LOX: variants seen among roughly 807,000 people sequenced by gnomAD.
LOX encodes the protein lysyl oxidase.
In LOX, 12 loss-of-function variants were observed where a neutral mutation model predicts 50.5. The ratio of observed to expected loss-of-function variants is 0.24; its 90% CI spans 0.15 to 0.38. The LOEUF (loss-of-function observed/expected upper bound fraction) is 0.38, where lower values mean the gene tolerates loss of function less well. Among genes scored for constraint, LOX ranks in the 10% least tolerant of loss-of-function variants. The pLI, the probability that LOX is intolerant of heterozygous loss-of-function variation, is 1.00. For synonymous variants in LOX, 254 were observed against 230.6 expected, an observed-to-expected ratio of 1.10 and a Z score of -0.92; for missense variants, 504 against 563.8, an observed-to-expected ratio of 0.89 and a Z score of 1.07.
At chr5:122,073,225 C>G (rs920806850) in intron 4 of LOX, among the ~76,000 whole-genome samples, 42 of 152,110 alleles carry the variant, frequency 2.8e-4, no homozygotes, top group African/African-American at 9.4e-4. Context: ...TGTCCTTTTA[C>G]AAATTAGGGT....
intron 4 of LOX, among the ~76,000 whole-genome samples, chr5:122,072,266 T>A (rs918224469): frequency 6.6e-6 from 1 of 152,156 alleles, no homozygotes; most frequent in Non-Finnish European, 1.5e-5. Flanking sequence ...AACTTAAGTA[T>A]AAGCTTTGAT....
chr5:122,077,128 C>G lies in LOX; in HGVS notation c.632-127G>C. 2 of 1,483,806 alleles carry G rather than the reference C, an allele frequency of 1.3e-6. No homozygotes were observed. The allele number at this position is 1,483,806 out of a possible 1,614,324, so 91.9% of individuals were successfully genotyped here. A position where few individuals can be genotyped will look rare whatever the true frequency, so the allele number is the denominator to read the frequency against. On this transcript the variant is annotated intron_variant, in intron 1 of 6. Transcript: ENST00000231004. The surrounding 1 kb of genome is among the most constrained non-coding windows in gnomAD (Gnocchi z 4.9). ...CGGGACTGCAGAGTGGAGCGGAGGA[C>G]AGCAAGAGAACTGGGGACGCCCGGG...
intron 4 of LOX, among the ~76,000 whole-genome samples, chr5:122,072,907 A>G (rs1331821724): frequency 6.6e-6 from 1 of 152,194 alleles, no homozygotes; most frequent in Non-Finnish European, 1.5e-5. Context: ...GGTCCCTTGC[A>G]CAGGACTTGC....
Position 122,077,939 on chromosome 5 carries a change from C to G in LOX, c.47G>C (p.Cys16Ser), listed in dbSNP as rs762984867. The change falls in exon 1 of 7, where the codon TGC (cysteine) becomes TCC (serine). Residue 16 changes from cysteine (C) to serine (S), a missense_variant. Transcript: ENST00000231004. The surrounding 1 kb of genome is among the most constrained non-coding windows in gnomAD (Gnocchi z 4.9). ...TVLLLGPLQLCALVHCAPPAA... is the reference protein window; with the variant it reads ...TVLLLGPLQLSALVHCAPPAA... ...GGGAGGGGCGCAGTGCACTAGCGCG[C>G]AGAGCTGCAAAGGCCCGAGCAGGAG... The G allele has an allele frequency of 3.3e-6, 5 of 1,499,956 alleles. No individual in the cohort carries two copies. Among genetic ancestry groups the G allele is most frequent in the Non-Finnish European group, 4.4e-6 (5 of 1,136,218 alleles). 92.9% of individuals were successfully genotyped at this position (1,499,956 alleles called of 1,614,324 possible).
chr5:122,071,913 G>C (rs574032099), intron 4 of LOX, among the ~76,000 whole-genome samples: 1 of 152,132 alleles, frequency 6.6e-6, no homozygotes, highest in Non-Finnish European at 1.5e-5. Context: ...CAACTCAGAA[G>C]GGTCAGTGTC....
At chr5:122,071,252 G>A (rs777727932) in intron 4 of LOX, among the ~76,000 whole-genome samples, 22 of 151,484 alleles carry the variant, frequency 1.5e-4, no homozygotes, top group Non-Finnish European at 2.8e-4. Flanking sequence ...CTACATGAGG[G>A]GCTATTATCT....
At chr5:122,075,758 T>C (rs1453579465) in intron 2 of LOX, among the ~76,000 whole-genome samples, 3 of 152,134 alleles carry the variant, frequency 2.0e-5, no homozygotes, top group African/African-American at 7.2e-5. Context: ...GAATATTTGG[T>C]GAATAAGTGA....
chr5:122,066,687 T>C lies in LOX; in HGVS notation c.*56A>G. 1 of 1,478,316 alleles carries C rather than the reference T, an allele frequency of 6.8e-7. No homozygotes were observed. Among genetic ancestry groups the C allele is most frequent in the Non-Finnish European group, 9.4e-7 (1 of 1,062,984 alleles). 91.6% of individuals were successfully genotyped at this position (1,478,316 alleles called of 1,614,324 possible). On this transcript the variant is annotated 3_prime_UTR_variant, in exon 7 of 7. Transcript: ENST00000231004. Reference sequence around the variant, plus strand: ...AATCCTACTGAAGTTAGTCTATTTTTTCCCACTTCAGAACACCAGGCACTG... The same window carrying C: ...AATCCTACTGAAGTTAGTCTATTTTCTCCCACTTCAGAACACCAGGCACTG...
intron 6 of LOX, among the ~76,000 whole-genome samples, chr5:122,068,438 A>G (rs1301087547): frequency 6.6e-6 from 1 of 152,100 alleles, no homozygotes; most frequent in Non-Finnish European, 1.5e-5. Flanking sequence ...ATCTCACCAC[A>G]TTTTATTTTA....
chr5:122,064,377 T>A lies in LOX; in HGVS notation c.*2366A>T, dbSNP rs1754243285. 6.6e-6 allele frequency: 1 copy of A among 151,734 alleles called. No individual in the cohort carries two copies. The highest frequency in any genetic ancestry group is 1.5e-5 in the Non-Finnish European group (1 of 67,856). 9.4% of individuals were successfully genotyped at this position (151,734 alleles called of 1,614,324 possible). A position where few individuals can be genotyped will look rare whatever the true frequency, so the allele number is the denominator to read the frequency against. The stretch of plus-strand genomic sequence containing the variant: ...AGTACTTGTGAGTTATTTGGGTGTG[T>A]TTAGAGGTGCCAGGAGGGGGATGAA... On this transcript the variant is annotated 3_prime_UTR_variant, in exon 7 of 7. Transcript: ENST00000231004.
rs1430504848 is a variant in LOX, at chr5:122,063,773, C to T, written c.*2970G>A. 6.6e-6 allele frequency: 1 copy of T among 151,866 alleles called. No individual in the cohort carries two copies. Among genetic ancestry groups the T allele is most frequent in the Non-Finnish European group, 1.5e-5 (1 of 67,856 alleles). The allele number at this position is 151,866 out of a possible 1,614,324, so 9.4% of individuals were successfully genotyped here. A position where few individuals can be genotyped will look rare whatever the true frequency, so the allele number is the denominator to read the frequency against. ...TTTCATGCAATCTGCTAAAGATTAA[C>T]TCTCAGTGCCAGGAAAATTTTAATG... On this transcript the variant is annotated 3_prime_UTR_variant, in exon 7 of 7. Coordinates refer to ENST00000231004, the MANE Select transcript of LOX (RefSeq NM_002317.7).
intron 2 of LOX, 89 bp downstream of exon 2, chr5:122,076,804 T>C (rs1754649930): frequency 8.8e-7 from 1 of 1,138,974 alleles, no homozygotes; most frequent in Non-Finnish European, 1.3e-6. Context: ...AACACTTGTC[T>C]GCGCGAAGCA....
In LOX at chr5:122,077,415, CATA is replaced by C; in HGVS notation, c.568_570del (p.Tyr190del). 6.2e-7 allele frequency: 1 copy of C among 1,614,104 alleles called. No individual in the cohort carries two copies. Among genetic ancestry groups the C allele is most frequent in the Non-Finnish European group, 8.5e-7 (1 of 1,180,006 alleles). On this transcript the variant is annotated inframe_deletion, in exon 1 of 7. Coordinates refer to ENST00000231004, the MANE Select transcript of LOX (RefSeq NM_002317.7). The surrounding 1 kb of genome is among the most constrained non-coding windows in gnomAD (Gnocchi z 4.9). ...TACCTGCCCCCAGGTCTGGGCCTTT[CATA>C]AGTATCGTAGTAGTTGTAATAAGGG...
In LOX at chr5:122,064,112, C is replaced by T. The variant is rs1414860061; in HGVS notation, c.*2631G>A. ...TCTGAAATTATGTTCCTATTTAGTC[C>T]ATTTTCTGTCTTTTTTAGTGTAAAA... On this transcript the variant is annotated 3_prime_UTR_variant, in exon 7 of 7. Transcript: ENST00000231004. The T allele has an allele frequency of 6.6e-6, 1 of 151,756 alleles. No individual in the cohort carries two copies. The highest frequency in any genetic ancestry group is 1.5e-5 in the Non-Finnish European group (1 of 67,832). 9.4% of individuals were successfully genotyped at this position (151,756 alleles called of 1,614,324 possible).
chr5:122,076,898 C>G lies in LOX; in HGVS notation c.735G>C (p.Leu245=). ...NLRCAAEENC[L]ASTAYRADVR... is the part of the protein sequence containing the mutation. The stretch of plus-strand genomic sequence containing the variant: ...TCAGACATATCAGCCCGTACCTGGC[C>G]AGACAGTTTTCCTCCGCCGCGCATC... The change falls in exon 2 of 7, where the codon CTG becomes CTC. Residue 245 remains leucine, a synonymous_variant. Coordinates refer to ENST00000231004, the MANE Select transcript of LOX (RefSeq NM_002317.7). 1 of 1,614,010 alleles carries G rather than the reference C, an allele frequency of 6.2e-7. No homozygotes were observed. Among genetic ancestry groups the G allele is most frequent in the Non-Finnish European group, 8.5e-7 (1 of 1,179,978 alleles).
In LOX at chr5:122,067,076, G is replaced by T. The variant is rs116663388; in HGVS notation, c.1248-327C>A. 5.0e-3 allele frequency among the ~76,000 whole-genome samples: 765 copies of T among 152,124 alleles called. 10 individuals are homozygous for T. Among genetic ancestry groups the T allele is most frequent in the African/African-American group, 0.017 (721 of 41,528 alleles). ...GAATTCATTCCATGGAACAAGGGTG[G>T]CATGTCCACCAAGAAGTAGAGTCAA... On this transcript the variant is annotated intron_variant, in intron 6 of 6. Coordinates refer to ENST00000231004, the MANE Select transcript of LOX (RefSeq NM_002317.7).
chr5:122,070,440 G>C, intron 5 of LOX, 54 bp downstream of exon 5: 1 of 932,334 alleles, frequency 1.1e-6, no homozygotes. Flanking sequence ...ATCCAGAGAA[G>C]AGGGCCTATT....
At chr5:122,068,531 C>T (rs1754364195) in intron 6 of LOX, among the ~76,000 whole-genome samples, 1 of 152,118 alleles carries the variant, frequency 6.6e-6, no homozygotes, top group African/African-American at 2.4e-5. Flanking sequence ...AATGCCTTTA[C>T]TCAAATTATT....
intron 4 of LOX, among the ~76,000 whole-genome samples, chr5:122,071,269 T>C (rs1561418018): frequency 6.6e-6 from 1 of 151,994 alleles, no homozygotes; most frequent in Non-Finnish European, 1.5e-5. Context: ...ATCTCCATTT[T>C]ATAGATGAGA....
Sources: allele counts gnomAD v4.1 joint callset (sites outside exome capture counted in the v4.1 genomes callset), GRCh38; gene constraint gnomAD v4.1.1; non-coding constraint Gnocchi (gnomAD v3.1); transcripts MANE v1.5; gene names NCBI Gene and HGNC (gene_info 2026-07-23, HGNC 2026-07-21).